Variants in PDE9A observed in about 807,000 individuals in gnomAD.
The protein encoded by PDE9A is phosphodiesterase 9A.
A neutral mutation model predicts 87.4 loss-of-function variants in PDE9A; 60 were observed. That is an observed-to-expected ratio of 0.69 (90% confidence interval 0.56 to 0.85). The LOEUF (loss-of-function observed/expected upper bound fraction) is 0.85, where lower values mean the gene tolerates loss of function less well. Among genes scored for constraint, PDE9A ranks in the 40% least tolerant of loss-of-function variants. PDE9A has a pLI of 0.00. For missense variants in PDE9A, 665 were observed against 779.0 expected (o/e 0.85, Z 1.74); for synonymous variants, 272 against 279.4 (o/e 0.97, Z 0.27).
chr21:42,671,022 T>C (rs567101479), intron 1 of PDE9A, among the ~76,000 whole-genome samples: 10 of 152,332 alleles, frequency 6.6e-5, no homozygotes, highest in Non-Finnish European at 1.3e-4. Flanking sequence ...AGACTGTTGT[T>C]AATTTTTTCT....
Position 42,760,212 on chromosome 21 carries a change from T to C in PDE9A, c.898-116T>C. 1.5e-6 allele frequency: 1 copy of C among 670,872 alleles called. No individual in the cohort carries two copies. The highest frequency in any genetic ancestry group is 2.7e-6 in the Non-Finnish European group (1 of 368,026). 41.6% of individuals were successfully genotyped at this position (670,872 alleles called of 1,614,324 possible). ...ACCTGGAACACTGTTGACCTCTGGT[T>C]GGGATGAGGGTTTGGCAGAGAATGT... On this transcript the variant is annotated intron_variant, in intron 11 of 19. Transcript: ENST00000291539. The surrounding 1 kb of genome is among the most constrained non-coding windows in gnomAD (Gnocchi z 5.2).
chr21:42,752,225 CCAAA>C (rs1006777535), intron 9 of PDE9A, among the ~76,000 whole-genome samples: 2 of 152,252 alleles, frequency 1.3e-5, no homozygotes, highest in Admixed American at 1.3e-4. Context: ...CCACGCAGTT[CCAAA>C]CAATGTCCTG....
chr21:42,735,586 T>C (rs1246305880), intron 7 of PDE9A, among the ~76,000 whole-genome samples: 1 of 152,178 alleles, frequency 6.6e-6, no homozygotes, highest in African/African-American at 2.4e-5. Context: ...GTTCCTGAGC[T>C]TGGAAGGCTA....
At chr21:42,726,625 T>TA (rs1555925485) in intron 4 of PDE9A, among the ~76,000 whole-genome samples, 36 of 14,452 alleles carry the variant, frequency 2.5e-3, no homozygotes, top group African/African-American at 3.4e-3. Flanking sequence ...TATATATATA[T>TA]TTTTTTTTTT....
intron 7 of PDE9A, among the ~76,000 whole-genome samples, chr21:42,742,501 T>C (rs1485418325): frequency 1.5e-5 from 2 of 137,552 alleles, no homozygotes; most frequent in Non-Finnish European, 3.1e-5. Flanking sequence ...AGTCTCACTC[T>C]GTCCCCCAGG....
intron 18 of PDE9A, among the ~76,000 whole-genome samples, chr21:42,771,558 G>A (rs956178411): frequency 1.3e-5 from 2 of 152,278 alleles, no homozygotes; most frequent in African/African-American, 4.8e-5. Context: ...GCTCCCCACA[G>A]TGCCACTGAA....
rs1489031529 is a variant in PDE9A at position 42,769,241 on chromosome 21, A to C, written c.1590+86A>C. 4.9e-6 allele frequency: 6 copies of C among 1,216,380 alleles called. No homozygotes were observed. The East Asian group carries it at 1.4e-4, about 29-fold the overall frequency. The allele number at this position is 1,216,380 out of a possible 1,614,324, so 75.3% of individuals were successfully genotyped here. A position where few individuals can be genotyped will look rare whatever the true frequency, so the allele number is the denominator to read the frequency against. ...GGCACACACACATATACACATATGC[A>C]CACAGGTACACACAGACACACACTC... On this transcript the variant is annotated intron_variant, in intron 17 of 19. Transcript: ENST00000291539.
At chr21:42,674,552 T>C (rs2058741025) in intron 1 of PDE9A, among the ~76,000 whole-genome samples, 1 of 152,106 alleles carries the variant, frequency 6.6e-6, no homozygotes, top group African/African-American at 2.4e-5. Context: ...CCTACGCGCC[T>C]GTAGCCAGTG....
At chr21:42,699,095 A>T in intron 4 of PDE9A, 84 bp downstream of exon 4, 1 of 848,602 alleles carries the variant, frequency 1.2e-6, no homozygotes. Flanking sequence ...TATACTAGTT[A>T]AGCATTTGAA....
intron 8 of PDE9A, among the ~76,000 whole-genome samples, chr21:42,745,349 A>C (rs2053736566): frequency 1.3e-5 from 2 of 152,096 alleles, no homozygotes; most frequent in Non-Finnish European, 2.9e-5. Context: ...GCTCATTTGG[A>C]GTTAGGGATG....
chr21:42,758,671 G>T, intron 10 of PDE9A: 1 of 284,292 alleles, frequency 3.5e-6, no homozygotes, highest in Non-Finnish European at 6.7e-6. Flanking sequence ...TTTTGTGAAC[G>T]GGTGCACTCT....
chr21:42,752,563 C>A (rs1226748495), intron 9 of PDE9A, among the ~76,000 whole-genome samples: 1 of 152,224 alleles, frequency 6.6e-6, no homozygotes, highest in Non-Finnish European at 1.5e-5. Flanking sequence ...GCCAGCCCAG[C>A]CTCATCTGAG....
At chr21:42,715,884 T>TCAGGGCTGTACATTCCCTGGGTTTG (rs1555919703) in intron 4 of PDE9A, among the ~76,000 whole-genome samples, 4 of 151,640 alleles carry the variant, frequency 2.6e-5, no homozygotes, top group Non-Finnish European at 4.4e-5. Flanking sequence ...ATCGGTTCAC[T>TCAGGGCTGTACATTCCCTGGGTTTG]GCCTTCAAAA....
chr21:42,698,716 C>A (rs1369291894), intron 3 of PDE9A, among the ~76,000 whole-genome samples: 1 of 152,038 alleles, frequency 6.6e-6, no homozygotes, highest in Non-Finnish European at 1.5e-5. Flanking sequence ...GCAGTAGTAC[C>A]CATGACAACA....
chr21:42,677,162 G>A (rs376724087), intron 1 of PDE9A, among the ~76,000 whole-genome samples: 1 of 152,202 alleles, frequency 6.6e-6, no homozygotes, highest in African/African-American at 2.4e-5. Context: ...ACCACTTGGA[G>A]GGAAAGATTG....
chr21:42,746,148 C>T (rs536550542), intron 8 of PDE9A, among the ~76,000 whole-genome samples: 56 of 152,198 alleles, frequency 3.7e-4, no homozygotes, highest in Non-Finnish European at 6.3e-4. Context: ...GATGGGCACC[C>T]GCTCTGTAGA....
chr21:42,663,456 C>T (rs748187970), intron 1 of PDE9A, among the ~76,000 whole-genome samples: 1 of 152,178 alleles, frequency 6.6e-6, no homozygotes, highest in Non-Finnish European at 1.5e-5. Context: ...AGAAGGCACC[C>T]GTCTTCGCAG....
Position 42,659,950 on chromosome 21 carries a change from G to T in PDE9A, c.69+6067G>T, listed in dbSNP as rs143732189. ...TGCAAATGAGAGATGAAACGGGGAC[G>T]AGCCGGGCAGCTGATCTCAGTGCAG... is the stretch of plus-strand genomic sequence containing the variant. On this transcript the variant is annotated intron_variant, in intron 1 of 19. Coordinates refer to ENST00000291539, the MANE Select transcript of PDE9A (RefSeq NM_002606.3). The surrounding 1 kb of genome is among the most constrained non-coding windows in gnomAD (Gnocchi z 4.1). Among the ~76,000 whole-genome samples the T allele has an allele frequency of 6.6e-6, 1 of 152,224 alleles. No individual in the cohort carries two copies. The highest frequency in any genetic ancestry group is 2.4e-5 in the African/African-American group (1 of 41,466).
intron 1 of PDE9A, among the ~76,000 whole-genome samples, chr21:42,685,483 T>TTTTTTTTTTTTTTTTTTTG (rs71190435): frequency 6.7e-6 from 1 of 149,968 alleles, no homozygotes; most frequent in African/African-American, 2.5e-5. Context: ...TTTTTTTTTT[T>TTTTTTTTTTTTTTTTTTTG]GAGACGGAGT....
Sources: allele counts gnomAD v4.1 joint callset (sites outside exome capture counted in the v4.1 genomes callset), GRCh38; gene constraint gnomAD v4.1.1; non-coding constraint Gnocchi (gnomAD v3.1); transcripts MANE v1.5; gene names NCBI Gene and HGNC (gene_info 2026-07-23, HGNC 2026-07-21).